The following RBM19 variants were observed in gnomAD, a reference collection of about 807,000 sequenced individuals.
The protein encoded by RBM19 is probable RNA-binding protein 19.
A neutral mutation model predicts 116.8 loss-of-function variants in RBM19; 94 were observed. That is an observed-to-expected ratio of 0.80 (90% CI 0.68 to 0.95). The LOEUF (loss-of-function observed/expected upper bound fraction) is 0.95, where lower values mean the gene tolerates loss of function less well. Among genes scored for constraint, RBM19 ranks in the 40% least tolerant of loss-of-function variants. RBM19 has a pLI of 0.00. For missense variants in RBM19, 1,161 were observed against 1,220.7 expected, an observed-to-expected ratio of 0.95 and a Z score of 0.73; for synonymous variants, 475 against 494.1, an observed-to-expected ratio of 0.96 and a Z score of 0.51.
chr12:113,823,253 C>T lies in RBM19; in HGVS notation c.2854G>A (p.Asp952Asn), dbSNP rs746045970. 14 of 1,612,314 alleles carry T rather than the reference C, an allele frequency of 8.7e-6. No homozygotes were observed. The highest frequency in any genetic ancestry group is 2.7e-5 in the African/African-American group (2 of 74,960). The change falls in exon 24 of 24, where the codon GAC becomes AAC. Residue 952 changes from aspartate (D) to asparagine (N), a missense_variant. Physicochemically the swap from Asp to Asn is conservative, Grantham distance 23 (BLOSUM62 1). Coordinates refer to ENST00000261741, the MANE Select transcript of RBM19 (RefSeq NM_016196.4). ...AGCTGAAGGGTCTGCTCCTCGCTGT[C>T]GCTGTCACTGCCTTCCAGCTGCTCC... ...ILEQLEGSDS[D>N]SEEQTLQL
intron 23 of RBM19, among the ~76,000 whole-genome samples, chr12:113,826,060 C>T (rs1565957615): frequency 6.6e-6 from 1 of 152,192 alleles, no homozygotes; most frequent in Non-Finnish European, 1.5e-5. Context: ...TTCCAGCACT[C>T]CCACCTCAGG....
At chr12:113,837,082 C>T (rs548352626) in intron 23 of RBM19, among the ~76,000 whole-genome samples, 8 of 139,320 alleles carry the variant, frequency 5.7e-5, no homozygotes, top group African/African-American at 2.4e-4. Flanking sequence ...CTACTTACTA[C>T]ATACATACAT....
chr12:113,952,522 C>G lies in RBM19; in HGVS notation c.990G>C (p.Gly330=), dbSNP rs772438705. 3.1e-6 allele frequency: 5 copies of G among 1,613,454 alleles called. 1 individual carries two copies. In the South Asian group the frequency reaches 5.5e-5, roughly 18 times the overall value. Residue 330 remains glycine, a synonymous_variant, in exon 8 of 24, where the codon GGG becomes GGC. Coordinates refer to ENST00000261741, the MANE Select transcript of RBM19 (RefSeq NM_016196.4). ...CATCCTGGATCTTACCTGTTTTATT[C>G]CCATGAGCGTTTCTCACAATTCGAA... The part of the protein sequence containing the change: ...VAIRIVRNAH[G]NKTGYIFVDF...
At chr12:113,924,942 C>T (rs1265746903) in intron 17 of RBM19, among the ~76,000 whole-genome samples, 185 bp from the exon 18 acceptor site, 2 of 152,148 alleles carry the variant, frequency 1.3e-5, no homozygotes, top group African/African-American at 4.8e-5. Flanking sequence ...CCCATAAGAG[C>T]AGCTGGGCTT....
rs1367162585 is a variant in RBM19, at chr12:113,898,773, T to TG, written c.2558+16195dup. ...AAAGAACCGAAACAGATTATAGATC[T>TG]GGACCTGAGGCTACATCTTTCTAAT... On this transcript the variant is annotated intron_variant, in intron 21 of 23. Coordinates refer to ENST00000261741, the MANE Select transcript of RBM19 (RefSeq NM_016196.4). The surrounding 1 kb of genome is among the most constrained non-coding windows in gnomAD (Gnocchi z 4.3). 6.6e-6 allele frequency among the ~76,000 whole-genome samples: 1 copy of TG among 152,250 alleles called. No homozygotes were observed. The highest frequency in any genetic ancestry group is 1.5e-5 in the Non-Finnish European group (1 of 68,044).
At chr12:113,820,514 G>A (rs1874344916), downstream of RBM19, among the ~76,000 whole-genome samples, 1 of 152,078 alleles carries the variant, frequency 6.6e-6, no homozygotes, top group Non-Finnish European at 1.5e-5. Flanking sequence ...GGTGAGCAGC[G>A]GGACTCGACT....
intron 4 of RBM19, 146 bp from the exon 5 acceptor site, chr12:113,959,550 C>G: frequency 1.0e-6 from 1 of 989,446 alleles, no homozygotes; most frequent in East Asian, 2.6e-5. Context: ...CTGGAGGACC[C>G]CGAGGTTCAG....
chr12:113,887,416 T>A (rs2135800137), intron 21 of RBM19, among the ~76,000 whole-genome samples: 1 of 151,998 alleles, frequency 6.6e-6, no homozygotes, highest in African/African-American at 2.4e-5. Context: ...GGTGGGCACA[T>A]CACGAGGTCA....
At chr12:113,949,882 A>G (rs549833775) in intron 9 of RBM19, among the ~76,000 whole-genome samples, 1 of 152,122 alleles carries the variant, frequency 6.6e-6, no homozygotes, top group Non-Finnish European at 1.5e-5. Context: ...CTCCTAAGTC[A>G]GTTTACTCTC....
chr12:113,823,206 C>T lies in RBM19; in HGVS notation c.*18G>A, dbSNP rs1385395876. ...CGGTCCCCAGGGCCCCGGAGCCACA[C>T]ACCCTCTCGGTGCCAGCTCACAGCT... On this transcript the variant is annotated 3_prime_UTR_variant, in exon 24 of 24. Coordinates refer to ENST00000261741, the MANE Select transcript of RBM19 (RefSeq NM_016196.4). 1.2e-6 allele frequency: 2 copies of T among 1,604,768 alleles called. No homozygotes were observed. Among genetic ancestry groups the T allele is most frequent in the East Asian group, 2.2e-5 (1 of 44,876 alleles).
chr12:113,927,477 A>C (rs970536041), intron 16 of RBM19: 7 of 458,242 alleles, frequency 1.5e-5, no homozygotes, highest in Non-Finnish European at 2.3e-5. Context: ...ACAGCCCTCA[A>C]ATGGAGCCTT....
chr12:113,914,285 C>T (rs1882633635), intron 21 of RBM19, among the ~76,000 whole-genome samples: 1 of 152,226 alleles, frequency 6.6e-6, no homozygotes, highest in Admixed American at 6.5e-5. Context: ...CTGCTCAGTC[C>T]CCACCCAGCC....
intron 21 of RBM19, 115 bp from the exon 22 acceptor site, chr12:113,859,011 T>C (rs2135741795): frequency 3.4e-6 from 3 of 881,428 alleles, no homozygotes; most frequent in East Asian, 2.6e-5. Flanking sequence ...GACAAGTGCA[T>C]GCAGGCACAC....
intron 21 of RBM19, among the ~76,000 whole-genome samples, chr12:113,871,423 C>T (rs1188134693): frequency 1.3e-5 from 2 of 152,212 alleles, no homozygotes; most frequent in African/African-American, 4.8e-5. Flanking sequence ...CAACTAGCAG[C>T]CACGAATTAG....
At chr12:113,940,718 C>A (rs1870503887) in intron 14 of RBM19, among the ~76,000 whole-genome samples, 1 of 152,218 alleles carries the variant, frequency 6.6e-6, no homozygotes, top group African/African-American at 2.4e-5. Context: ...GGCTCCTTCC[C>A]TTCCCTGCAT....
intron 23 of RBM19, among the ~76,000 whole-genome samples, chr12:113,826,804 G>A (rs1284029048): frequency 6.6e-6 from 1 of 152,250 alleles, no homozygotes; most frequent in Non-Finnish European, 1.5e-5. Context: ...TGTTGACTTC[G>A]TGTCTCTCTT....
At chr12:113,818,761 C>G (rs1874226659), downstream of RBM19, among the ~76,000 whole-genome samples, 1 of 152,200 alleles carries the variant, frequency 6.6e-6, no homozygotes, top group Non-Finnish European at 1.5e-5. Context: ...CCTTTGGAGT[C>G]AGGGCCTGTG....
chr12:113,823,433 G>A, intron 23 of RBM19, 112 bp from the exon 24 acceptor site: 2 of 841,194 alleles, frequency 2.4e-6, no homozygotes, highest in Non-Finnish European at 3.8e-6. Context: ...AGCAGAACAA[G>A]GGTGCGGGGA....
chr12:113,947,437 A>G lies in RBM19; in HGVS notation c.1304T>C (p.Ile435Thr), dbSNP rs573067535. The G allele has an allele frequency of 3.1e-6, 5 of 1,610,360 alleles. No individual in the cohort carries two copies. The South Asian group carries it at 4.4e-5, about 14-fold the overall frequency. ...CTTGGGTTTCTTGGTCAGGCTGTCGATGGGGTAGTGGAGCTCAGACAGGGG... is the reference window on the plus strand; with the variant it reads ...CTTGGGTTTCTTGGTCAGGCTGTCGGTGGGGTAGTGGAGCTCAGACAGGGG... ...YGPLSELHYP[I>T]DSLTKKPKGF... is the part of the protein sequence containing the mutation. The change falls in exon 11 of 24, where the codon ATC becomes ACC. Residue 435 changes from isoleucine to threonine, a missense_variant. Transcript: ENST00000261741.
Sources: allele counts gnomAD v4.1 joint callset (sites outside exome capture counted in the v4.1 genomes callset), GRCh38; gene constraint gnomAD v4.1.1; non-coding constraint Gnocchi (gnomAD v3.1); transcripts MANE v1.5; gene names NCBI Gene and HGNC (gene_info 2026-07-23, HGNC 2026-07-21).